Variants in ALK observed in about 807,000 individuals in gnomAD.
The protein encoded by ALK is ALK receptor tyrosine kinase.
A neutral mutation model predicts 163.1 loss-of-function variants in ALK; 74 were observed. The ratio of observed to expected loss-of-function variants is 0.45; its 90% CI spans 0.38 to 0.55. The LOEUF (loss-of-function observed/expected upper bound fraction) is 0.55, where lower values mean the gene tolerates loss of function less well. Ranked by LOEUF, ALK falls within the 20% of genes least tolerant of loss-of-function variation. ALK has a pLI of 0.00. For synonymous variants in ALK, 960 were observed against 843.2 expected, an observed-to-expected ratio of 1.14 and a Z score of -2.40; for missense variants, 2,063 against 2,105.3, an observed-to-expected ratio of 0.98 and a Z score of 0.39.
intron 4 of ALK, among the ~76,000 whole-genome samples, chr2:29,469,059 G>A (rs1256931375): frequency 6.6e-6 from 1 of 152,012 alleles, no homozygotes; most frequent in Non-Finnish European, 1.5e-5. Flanking sequence ...ATGGGCTAAT[G>A]GCACAGGCTG....
rs769055778 is a variant in ALK, at chr2:29,296,902, G to C, written c.1803C>G (p.Leu601=). ...SLWQWMVLPL[L]DVSDRFWLQM... is the part of the protein sequence containing the mutation. ...ATAGAGCCTACCTGTCAGACACATC[G>C]AGGAGAGGCAACACCATCCACTGCC... The change falls in exon 9 of 29, where the codon CTC becomes CTG. Residue 601 remains leucine (L), a synonymous_variant. Coordinates refer to ENST00000389048, the MANE Select transcript of ALK (RefSeq NM_004304.5). 6.2e-7 allele frequency: 1 copy of C among 1,614,148 alleles called. No individual in the cohort carries two copies. The highest frequency in any genetic ancestry group is 1.1e-5 in the South Asian group (1 of 91,072).
chr2:29,703,017 G>A (rs955493882), intron 2 of ALK, among the ~76,000 whole-genome samples: 1 of 152,228 alleles, frequency 6.6e-6, no homozygotes, highest in Admixed American at 6.5e-5. Context: ...AACTGAGGGT[G>A]GGTGGGCAAA....
Position 29,921,055 on chromosome 2 carries a change from G to A in ALK, c.-396C>T. Reference sequence around the variant, plus strand: ...CCTGCCCCCCGCAGTCGGAGCTGGGGTCTGTCCCCTCTCGGGGCAGCCTCC... The same window carrying A: ...CCTGCCCCCCGCAGTCGGAGCTGGGATCTGTCCCCTCTCGGGGCAGCCTCC... On this transcript the variant is annotated 5_prime_UTR_variant, in exon 1 of 29. Coordinates refer to ENST00000389048, the MANE Select transcript of ALK (RefSeq NM_004304.5). The A allele has an allele frequency of 3.7e-6, 1 of 269,222 alleles. No homozygotes were observed. The highest frequency in any genetic ancestry group is 7.1e-6 in the Non-Finnish European group (1 of 141,646). The allele number at this position is 269,222 out of a possible 1,614,324, so 16.7% of individuals were successfully genotyped here.
chr2:29,323,543 G>A (rs780157991), intron 6 of ALK, among the ~76,000 whole-genome samples: 4 of 152,214 alleles, frequency 2.6e-5, no homozygotes, highest in Non-Finnish European at 4.4e-5. Flanking sequence ...GCAGGCAAAA[G>A]AGCAAGACAG....
rs373906903 is a variant in ALK at position 29,406,467 on chromosome 2, C to T, written c.1155-22608G>A. ...CAAGTTTGCCTTCAGTAAACAGGTT[C>T]CTCTTAGGCTCAGAAGCCTCATTCT... On this transcript the variant is annotated intron_variant, in intron 4 of 28. Transcript: ENST00000389048. 5.3e-5 allele frequency among the ~76,000 whole-genome samples: 8 copies of T among 152,138 alleles called. No individual in the cohort carries two copies. The East Asian group carries it at 7.7e-4, about 15-fold the overall frequency.
At chr2:29,578,234 A>C (rs1674579941) in intron 3 of ALK, among the ~76,000 whole-genome samples, 1 of 152,024 alleles carries the variant, frequency 6.6e-6, no homozygotes, top group Non-Finnish European at 1.5e-5. Context: ...TTCATGTAAG[A>C]CATGACTTGC....
At chr2:29,414,779 G>A (rs1669825855) in intron 4 of ALK, among the ~76,000 whole-genome samples, 2 of 152,124 alleles carry the variant, frequency 1.3e-5, no homozygotes, top group South Asian at 4.1e-4. Context: ...CCCACAATTA[G>A]GATAAATTAG....
Position 29,227,171 on chromosome 2 carries a change from G to A in ALK, c.2915-97C>T, listed in dbSNP as rs568534833. 1.3e-6 allele frequency: 2 copies of A among 1,521,804 alleles called. No homozygotes were observed. The highest frequency in any genetic ancestry group is 1.7e-5 in the Admixed American group (1 of 59,640). 94.3% of individuals were successfully genotyped at this position (1,521,804 alleles called of 1,614,324 possible). On this transcript the variant is annotated intron_variant, in intron 17 of 28. Coordinates refer to ENST00000389048, the MANE Select transcript of ALK (RefSeq NM_004304.5). The surrounding 1 kb of genome is among the most constrained non-coding windows in gnomAD (Gnocchi z 4.4). ...CCAGGTGGTCACTGTGGGTGCTCTG[G>A]TGGTCCCTGTTCCTAGGTCCCATAG... is the stretch of plus-strand genomic sequence containing the variant.
chr2:29,678,261 T>C (rs570397442), intron 3 of ALK, among the ~76,000 whole-genome samples: 3 of 152,024 alleles, frequency 2.0e-5, no homozygotes, highest in African/African-American at 4.8e-5. Context: ...AATTTTTGGG[T>C]TCAATGATTC....
intron 5 of ALK, among the ~76,000 whole-genome samples, chr2:29,373,095 T>C (rs1307860526): frequency 2.0e-5 from 3 of 152,194 alleles, no homozygotes; most frequent in Non-Finnish European, 2.9e-5. Context: ...GTCTCATTAA[T>C]AACTGGAGCC....
At chr2:29,308,980 G>T (rs1454483545) in intron 8 of ALK, among the ~76,000 whole-genome samples, 1 of 152,100 alleles carries the variant, frequency 6.6e-6, no homozygotes, top group Admixed American at 6.5e-5. Context: ...GAAAAAGATG[G>T]TATTTTCTTC....
intron 24 of ALK, 130 bp downstream of exon 24, chr2:29,213,854 A>G (rs1227474411): frequency 2.5e-6 from 2 of 791,950 alleles, no homozygotes; most frequent in Non-Finnish European, 4.4e-6. Flanking sequence ...GAATCATCCT[A>G]CATCCAAATG....
intron 1 of ALK, among the ~76,000 whole-genome samples, chr2:29,852,185 G>A (rs4075920): frequency 0.27 from 40,820 of 152,038 alleles, 6,481 homozygotes; most frequent in East Asian, 0.63. Context: ...CTTGGAAGAG[G>A]CTATGCTAAG....
chr2:29,227,551 C>G lies in ALK; in HGVS notation c.2914+23G>C. On this transcript the variant is annotated intron_variant, in intron 17 of 28. Coordinates refer to ENST00000389048, the MANE Select transcript of ALK (RefSeq NM_004304.5). This position sits in a 1 kb window ranked among gnomAD's most constrained non-coding sequence, Gnocchi z 4.4. ...GAGGACTGACCTAAGCAAGTTTGTT[C>G]TGCTGCCTGGCAGAGAAGCTACCTT... is the stretch of plus-strand genomic sequence containing the variant. 1 of 1,598,666 alleles carries G rather than the reference C, an allele frequency of 6.3e-7. No homozygotes were observed. Among genetic ancestry groups the G allele is most frequent in the Non-Finnish European group, 8.6e-7 (1 of 1,165,922 alleles).
rs76732473 is a variant in ALK, at chr2:29,532,964, C to T, written c.953-848G>A. On this transcript the variant is annotated intron_variant, in intron 3 of 28. Transcript: ENST00000389048. ...CTACTCCTGGCACTTCCAAGGTCTC[C>T]TTCTGCAGATAACCCAGTTTCCCAA... Among the ~76,000 whole-genome samples the T allele has an allele frequency of 8.9e-3, 1,357 of 152,296 alleles. 20 individuals are homozygous for T. Among genetic ancestry groups the T allele is most frequent in the African/African-American group, 0.026 (1,100 of 41,558 alleles).
At chr2:29,814,436 G>A (rs373159043) in intron 1 of ALK, among the ~76,000 whole-genome samples, 8 of 151,870 alleles carry the variant, frequency 5.3e-5, no homozygotes, top group East Asian at 2.0e-4. Context: ...CGAGGCGGGC[G>A]GATCACGAGG....
chr2:29,256,861 T>G (rs1044939048), intron 11 of ALK, among the ~76,000 whole-genome samples: 1 of 152,114 alleles, frequency 6.6e-6, no homozygotes, highest in African/African-American at 2.4e-5. Context: ...GGTGCTCAGG[T>G]TGAGGCTCTG....
Position 29,781,479 on chromosome 2 carries a change from GC to G in ALK, c.668-63783del, listed in dbSNP as rs1681330029. Among the ~76,000 whole-genome samples the G allele has an allele frequency of 2.6e-5, 4 of 152,194 alleles. No homozygotes were observed. In the South Asian group the frequency reaches 8.3e-4, roughly 32 times the overall value. ...CACCTCCAGGAAGGAGAGAGAACAT[GC>G]CTGCAATCACACAGCCAATGCAATA... On this transcript the variant is annotated intron_variant, in intron 1 of 28. Coordinates refer to ENST00000389048, the MANE Select transcript of ALK (RefSeq NM_004304.5).
Position 29,278,979 on chromosome 2 carries a change from T to TG in ALK, c.1818-3484dup, listed in dbSNP as rs753747158. Among the ~76,000 whole-genome samples, 77 of 23,952 alleles carry TG rather than the reference T, an allele frequency of 3.2e-3. No homozygotes were observed. The South Asian group carries it at 0.062, about 19-fold the overall frequency. 15.7% of individuals were successfully genotyped at this position (23,952 alleles called of 152,430 possible). On this transcript the variant is annotated intron_variant, in intron 9 of 28. Coordinates refer to ENST00000389048, the MANE Select transcript of ALK (RefSeq NM_004304.5). The stretch of plus-strand genomic sequence containing the variant: ...AGCGAGTAAATGACATGTGTGTGCC[T>TG]GGGGGGGGGGACAGAATCGCGGCTA...
Sources: gnomAD v4.1 joint callset for allele counts (sites outside exome capture counted in the v4.1 genomes callset) on GRCh38, gnomAD v4.1.1 for gene constraint, Gnocchi (gnomAD v3.1) non-coding constraint, MANE v1.5 for transcripts, NCBI Gene and HGNC (gene_info 2026-07-23, HGNC 2026-07-21) for gene names.